DCC: variants seen among roughly 807,000 people sequenced by gnomAD.
DCC encodes DCC netrin 1 receptor.
DCC carries 58 observed loss-of-function variants against 172.5 expected under a neutral mutation model. The observed-to-expected ratio is 0.34, with a 90% CI of 0.27 to 0.42. The LOEUF is 0.42. Ranked by LOEUF, DCC falls within the 10% of genes least tolerant of loss-of-function variation. The pLI is 1.00. For missense variants in DCC, 1,740 were observed against 1,791.0 expected (o/e 0.97, Z 0.51); for synonymous variants, 709 against 644.5 (o/e 1.10, Z -1.52).
At chr18:52,545,402 C>T (rs2032582524) in intron 1 of DCC, among the ~76,000 whole-genome samples, 1 of 152,174 alleles carries the variant, frequency 6.6e-6, no homozygotes, top group South Asian at 2.1e-4. Context: ...TGGTTGGTCA[C>T]TCCACAACTG....
intron 2 of DCC, among the ~76,000 whole-genome samples, chr18:52,888,909 C>A (rs183876139): frequency 1.3e-5 from 2 of 152,032 alleles, no homozygotes; most frequent in East Asian, 3.9e-4. Context: ...ACACAGATAT[C>A]TATATATACA....
At chr18:52,387,540 A>G (rs1402257088) in intron 1 of DCC, among the ~76,000 whole-genome samples, 1 of 151,564 alleles carries the variant, frequency 6.6e-6, no homozygotes, top group Non-Finnish European at 1.5e-5. Flanking sequence ...TTTCCAATGC[A>G]AGGGAGGGCA....
At chr18:52,541,584 C>A (rs998634085) in intron 1 of DCC, among the ~76,000 whole-genome samples, 3 of 152,042 alleles carry the variant, frequency 2.0e-5, no homozygotes, top group African/African-American at 4.8e-5. Flanking sequence ...CAGATAAGCA[C>A]AAGCATCCGT....
intron 1 of DCC, among the ~76,000 whole-genome samples, chr18:52,458,382 T>C (rs751878555): frequency 1.3e-5 from 2 of 152,118 alleles, no homozygotes; most frequent in Non-Finnish European, 2.9e-5. Context: ...CTGCGTGTCT[T>C]AGGGGTACTG....
At chr18:52,598,981 T>A (rs533236254) in intron 1 of DCC, among the ~76,000 whole-genome samples, 16 of 152,314 alleles carry the variant, frequency 1.1e-4, no homozygotes, top group African/African-American at 3.8e-4. Flanking sequence ...ATTTCATTCA[T>A]GAGGGAGAGG....
At chr18:53,100,396 G>T (rs927207601) in intron 7 of DCC, among the ~76,000 whole-genome samples, 2 of 152,020 alleles carry the variant, frequency 1.3e-5, no homozygotes, top group African/African-American at 2.4e-5. Context: ...AGAATTTTTA[G>T]CAACCTCTTA....
intron 27 of DCC, among the ~76,000 whole-genome samples, chr18:53,506,777 G>A (rs1464518880): frequency 6.6e-6 from 1 of 151,088 alleles, no homozygotes; most frequent in Non-Finnish European, 1.5e-5. Flanking sequence ...AGAATCACTT[G>A]AACCTGGAAG....
chr18:52,998,044 C>A (rs927415859), intron 5 of DCC, among the ~76,000 whole-genome samples: 2 of 151,900 alleles, frequency 1.3e-5, no homozygotes, highest in African/African-American at 2.4e-5. Flanking sequence ...TCCATCAGAC[C>A]TGTGCTGTCC....
At chr18:53,259,055 T>C (rs572620707) in intron 12 of DCC, among the ~76,000 whole-genome samples, 38 of 152,314 alleles carry the variant, frequency 2.5e-4, no homozygotes, top group African/African-American at 8.9e-4. Context: ...TTGTTTTCCA[T>C]TTGCTTGGTA....
intron 2 of DCC, among the ~76,000 whole-genome samples, chr18:52,878,502 T>G: frequency 6.6e-6 from 1 of 152,210 alleles, no homozygotes; most frequent in East Asian, 1.9e-4. Context: ...ATTTAGCTTA[T>G]GCACATGCGT....
chr18:52,470,509 C>G (rs1458587817), intron 1 of DCC, among the ~76,000 whole-genome samples: 1 of 152,156 alleles, frequency 6.6e-6, no homozygotes, highest in Non-Finnish European at 1.5e-5. Context: ...TCTGTATACT[C>G]TGGGATCCAT....
chr18:52,752,372 C>A lies in DCC; in HGVS notation c.410C>A (p.Ala137Glu). 6.2e-7 allele frequency: 1 copy of A among 1,611,798 alleles called. No individual in the cohort carries two copies. Among genetic ancestry groups the A allele is most frequent in the Non-Finnish European group, 8.5e-7 (1 of 1,177,840 alleles). The change falls in exon 2 of 29, where the codon GCA becomes GAA. Residue 137 changes from alanine (A) to glutamate (E), a missense_variant and splice_region_variant. By Grantham distance (107) the Ala-to-Glu change is moderately radical. Coordinates refer to ENST00000442544, the MANE Select transcript of DCC (RefSeq NM_005215.4). ...AGTCGGACAGCAAAAGTTGCAGTAG[C>A]AGGTAGGTGGATTCTTCCTTCTCTT... Reference protein sequence around the residue: ...IISRTAKVAVAGPLRFLSQTE... With the variant: ...IISRTAKVAVEGPLRFLSQTE...
At chr18:52,527,356 G>A (rs1206359891) in intron 1 of DCC, among the ~76,000 whole-genome samples, 1 of 152,196 alleles carries the variant, frequency 6.6e-6, no homozygotes, top group Non-Finnish European at 1.5e-5. Context: ...ACATGAAGTG[G>A]TGGTTCTTTT....
At chr18:52,723,641 T>A (rs1053137811) in intron 1 of DCC, among the ~76,000 whole-genome samples, 1 of 152,160 alleles carries the variant, frequency 6.6e-6, no homozygotes, top group Admixed American at 6.6e-5. Context: ...GTCAGATGAA[T>A]CACTTAGCAT....
chr18:52,873,121 A>G (rs1371599671), intron 2 of DCC, among the ~76,000 whole-genome samples: 1 of 152,136 alleles, frequency 6.6e-6, no homozygotes, highest in African/African-American at 2.4e-5. Flanking sequence ...ATCCTACAAA[A>G]TATCTTTACC....
intron 1 of DCC, among the ~76,000 whole-genome samples, chr18:52,412,460 T>C (rs953348106): frequency 6.6e-6 from 1 of 152,120 alleles, no homozygotes; most frequent in Non-Finnish European, 1.5e-5. Context: ...ACAAGAAATA[T>C]CTAACATATA....
chr18:53,526,882 A>G, intron 28 of DCC, 123 bp downstream of exon 28: 1 of 395,596 alleles, frequency 2.5e-6, no homozygotes, highest in Non-Finnish European at 4.2e-6. Context: ...TGTTGTTCTT[A>G]TTGTTGTTTG....
intron 15 of DCC, among the ~76,000 whole-genome samples, chr18:53,350,291 T>C (rs1448165168): frequency 1.3e-5 from 2 of 152,196 alleles, no homozygotes; most frequent in Non-Finnish European, 2.9e-5. Flanking sequence ...TCTTAGAATT[T>C]AGCATTGCCA....
chr18:53,257,089 C>T (rs553100379), intron 12 of DCC, among the ~76,000 whole-genome samples: 6 of 152,158 alleles, frequency 3.9e-5, no homozygotes, highest in African/African-American at 1.4e-4. Flanking sequence ...CTGAAGTTGC[C>T]TATTAGCTTA....
Sources: allele counts gnomAD v4.1 joint callset (sites outside exome capture counted in the v4.1 genomes callset), GRCh38; gene constraint gnomAD v4.1.1; transcripts MANE v1.5; gene names NCBI Gene and HGNC (gene_info 2026-07-23, HGNC 2026-07-21).